Variants in NRG3 observed in about 807,000 individuals in gnomAD.
The protein encoded by NRG3 is pro-neuregulin-3, membrane-bound isoform.
NRG3 carries 31 observed loss-of-function variants against 66.9 expected under a neutral mutation model. That is an observed-to-expected ratio of 0.46 (90% CI 0.35 to 0.63). The LOEUF is 0.63. NRG3 is among the 20% of genes least tolerant of loss of function. NRG3 has a pLI of 0.00. For synonymous variants in NRG3, 393 were observed against 359.4 expected (o/e 1.09, Z -1.06); for missense variants, 910 against 878.9 (o/e 1.04, Z -0.45).
intron 1 of NRG3, among the ~76,000 whole-genome samples, chr10:82,063,384 G>T (rs1282577310): frequency 6.6e-6 from 1 of 151,646 alleles, no homozygotes; most frequent in East Asian, 1.9e-4. Context: ...AAAAGTAATT[G>T]GAAGAAACAT....
intron 1 of NRG3, among the ~76,000 whole-genome samples, chr10:82,262,787 T>C (rs966512359): frequency 6.6e-6 from 1 of 152,182 alleles, no homozygotes; most frequent in Non-Finnish European, 1.5e-5. Flanking sequence ...CTTTTTCCCT[T>C]TTACGAACAC....
chr10:82,891,760 A>G (rs1212490297), intron 4 of NRG3, among the ~76,000 whole-genome samples: 2 of 151,860 alleles, frequency 1.3e-5, no homozygotes, highest in Non-Finnish European at 2.9e-5. Context: ...TAAATATTTT[A>G]TTTTTTCTTA....
intron 3 of NRG3, among the ~76,000 whole-genome samples, chr10:82,747,262 T>C (rs1430590445): frequency 6.6e-6 from 1 of 152,020 alleles, no homozygotes; most frequent in Non-Finnish European, 1.5e-5. Context: ...TTATAAGAAT[T>C]TAACGTAAAT....
At chr10:82,252,575 G>A (rs1021058979) in intron 1 of NRG3, among the ~76,000 whole-genome samples, 1 of 152,092 alleles carries the variant, frequency 6.6e-6, no homozygotes, top group African/African-American at 2.4e-5. Flanking sequence ...GACATATCTG[G>A]TACAGTATTG....
In NRG3 at chr10:81,999,245, G is replaced by T. The variant is rs374114616; in HGVS notation, c.823+123082G>T. 2.6e-5 allele frequency among the ~76,000 whole-genome samples: 4 copies of T among 152,168 alleles called. No homozygotes were observed. The East Asian group carries it at 7.7e-4, about 29-fold the overall frequency. ...TATTTTTTAAAACATGTTCTTACGA[G>T]ACCTCAAGGCTCAACTGACACTTTT... On this transcript the variant is annotated intron_variant, in intron 1 of 8. Coordinates refer to ENST00000372141, the MANE Select transcript of NRG3 (RefSeq NM_001010848.4).
rs147737488 is a variant in NRG3, at chr10:82,060,361, A to G, written c.823+184198A>G. ...AGAAAAAAGACTTGCTTAAACTGAA[A>G]TATTTCTTACTGTGTGCCATAAAGT... On this transcript the variant is annotated intron_variant, in intron 1 of 8. Coordinates refer to ENST00000372141, the MANE Select transcript of NRG3 (RefSeq NM_001010848.4). Among the ~76,000 whole-genome samples the G allele has an allele frequency of 6.3e-3, 962 of 152,262 alleles. 9 individuals are homozygous for G. The highest frequency in any genetic ancestry group is 0.022 in the African/African-American group (919 of 41,548).
intron 1 of NRG3, among the ~76,000 whole-genome samples, chr10:82,251,308 C>T (rs2077474812): frequency 6.6e-6 from 1 of 152,188 alleles, no homozygotes; most frequent in African/African-American, 2.4e-5. Context: ...CCCTCTGACT[C>T]TTCCTCTTGT....
At chr10:82,981,138 C>A (rs12763377) in intron 8 of NRG3, among the ~76,000 whole-genome samples, 16,563 of 152,166 alleles carry the variant, frequency 0.11, 1,224 homozygotes, top group Non-Finnish European at 0.17. Context: ...CAGGCTCAAG[C>A]TTGAACAATG....
At chr10:82,274,933 C>G (rs1484737043) in intron 1 of NRG3, among the ~76,000 whole-genome samples, 2 of 152,002 alleles carry the variant, frequency 1.3e-5, no homozygotes, top group Non-Finnish European at 2.9e-5. Context: ...AAACTTCATG[C>G]CTTCCACTTA....
Position 81,900,573 on chromosome 10 carries a change from G to A in NRG3, c.823+24410G>A, listed in dbSNP as rs568921828. Among the ~76,000 whole-genome samples the A allele has an allele frequency of 6.6e-5, 10 of 152,304 alleles. No homozygotes were observed. In the South Asian group the frequency reaches 1.2e-3, roughly 19 times the overall value. On this transcript the variant is annotated intron_variant, in intron 1 of 8. Transcript: ENST00000372141. Reference sequence around the variant, plus strand: ...TGGGGTTTTCAGGTGGACACTGATTGCCACAGTCACTGAAAATTTCATTTA... The same window carrying A: ...TGGGGTTTTCAGGTGGACACTGATTACCACAGTCACTGAAAATTTCATTTA...
intron 2 of NRG3, among the ~76,000 whole-genome samples, chr10:82,561,046 C>T (rs2045007166): frequency 6.6e-6 from 1 of 152,010 alleles, no homozygotes; most frequent in Non-Finnish European, 1.5e-5. Flanking sequence ...ACTCTCTTTA[C>T]TGGGATTGAT....
At chr10:81,947,049 G>A (rs1420545196) in intron 1 of NRG3, among the ~76,000 whole-genome samples, 2 of 152,154 alleles carry the variant, frequency 1.3e-5, no homozygotes, top group Non-Finnish European at 2.9e-5. Flanking sequence ...CAGGGTATCA[G>A]CAGTGCCATG....
At chr10:82,824,093 C>A (rs1057029570) in intron 3 of NRG3, among the ~76,000 whole-genome samples, 2 of 152,128 alleles carry the variant, frequency 1.3e-5, no homozygotes, top group Non-Finnish European at 2.9e-5. Context: ...TATGGCTTTG[C>A]CTGTTTCAGA....
At chr10:82,869,761 C>T (rs180974305) in intron 4 of NRG3, among the ~76,000 whole-genome samples, 1 of 151,984 alleles carries the variant, frequency 6.6e-6, no homozygotes, top group Admixed American at 6.5e-5. Context: ...GCACCCATCA[C>T]CATGCCCGGC....
At chr10:82,119,668 A>C (rs1463514384) in intron 1 of NRG3, among the ~76,000 whole-genome samples, 6 of 152,138 alleles carry the variant, frequency 3.9e-5, no homozygotes, top group African/African-American at 1.4e-4. Context: ...CATAGCTGCC[A>C]AAAAAGAACC....
chr10:82,196,591 A>C (rs2074463102), intron 1 of NRG3, among the ~76,000 whole-genome samples: 1 of 152,240 alleles, frequency 6.6e-6, no homozygotes, highest in African/African-American at 2.4e-5. Flanking sequence ...TAATAATAAA[A>C]GTAAATGCAC....
rs191949781 is a variant in NRG3, at chr10:82,007,070, T to A, written c.823+130907T>A. 5.5e-3 allele frequency among the ~76,000 whole-genome samples: 841 copies of A among 152,288 alleles called. 13 individuals are homozygous for A. The highest frequency in any genetic ancestry group is 0.029 in the Admixed American group (442 of 15,300). On this transcript the variant is annotated intron_variant, in intron 1 of 8. Coordinates refer to ENST00000372141, the MANE Select transcript of NRG3 (RefSeq NM_001010848.4). ...GCATGATATATAGCTCGTTTGCTTA[T>A]GTCTTTTTATGGCATTCAATAGAAT...
At chr10:82,319,242 C>G (rs2081436382) in intron 1 of NRG3, among the ~76,000 whole-genome samples, 1 of 152,222 alleles carries the variant, frequency 6.6e-6, no homozygotes, top group Non-Finnish European at 1.5e-5. Context: ...GTTACATCTT[C>G]CCATCTGTAC....
intron 2 of NRG3, among the ~76,000 whole-genome samples, chr10:82,488,642 A>C (rs1842868275): frequency 6.6e-6 from 1 of 152,116 alleles, no homozygotes; most frequent in South Asian, 2.1e-4. Context: ...TGTGGTCTCA[A>C]GTGGACTTGG....
Sources: allele counts gnomAD v4.1 joint callset (sites outside exome capture counted in the v4.1 genomes callset), GRCh38; gene constraint gnomAD v4.1.1; transcripts MANE v1.5; gene names NCBI Gene and HGNC (gene_info 2026-07-23, HGNC 2026-07-21).